The following RANBP2 variants were observed in gnomAD, a reference collection of about 807,000 sequenced individuals.
RANBP2 encodes E3 SUMO-protein ligase RanBP2.
A neutral mutation model predicts 303.6 loss-of-function variants in RANBP2; 57 were observed. The observed-to-expected ratio is 0.19, with a 90% CI of 0.15 to 0.23. The LOEUF (loss-of-function observed/expected upper bound fraction) is 0.23, where lower values mean the gene tolerates loss of function less well. Among genes scored for constraint, RANBP2 ranks in the 10% least tolerant of loss-of-function variants. The pLI is 1.00. For missense variants in RANBP2, 3,138 were observed against 3,780.8 expected, an observed-to-expected ratio of 0.83 and a Z score of 4.46; for synonymous variants, 1,167 against 1,301.5, an observed-to-expected ratio of 0.90 and a Z score of 2.23.
At chr2:109,509,042 C>T in the RANBP2 span, among the ~76,000 whole-genome samples, 1,058 of 152,310 alleles carry the variant, frequency 6.9e-3, 9 homozygotes, top group South Asian at 0.022. Context: ...CCATTCCTGC[C>T]GGGAGAAATG....
the RANBP2 span, among the ~76,000 whole-genome samples, chr2:109,598,359 C>T: frequency 4.6e-5 from 7 of 152,038 alleles, no homozygotes; most frequent in Admixed American, 1.3e-4. Context: ...TGAGCCACTG[C>T]GCCCGGCCCT....
chr2:109,173,577 G>T, the RANBP2 span, among the ~76,000 whole-genome samples: 1 of 152,148 alleles, frequency 6.6e-6, no homozygotes, highest in South Asian at 2.1e-4. Context: ...GTGGCTGCGG[G>T]GAAGGCCACA....
At chr2:108,922,922 T>G in the RANBP2 span, among the ~76,000 whole-genome samples, 1 of 152,216 alleles carries the variant, frequency 6.6e-6, no homozygotes, top group Non-Finnish European at 1.5e-5. Flanking sequence ...ATGTGCTTTG[T>G]GGAATCTGTT....
At chr2:109,140,102 G>T in the RANBP2 span, among the ~76,000 whole-genome samples, 1 of 152,204 alleles carries the variant, frequency 6.6e-6, no homozygotes, top group South Asian at 2.1e-4. Context: ...TTAGTCCTGG[G>T]AGGCCCCTTT....
the RANBP2 span, among the ~76,000 whole-genome samples, chr2:109,154,714 A>G: frequency 2.0e-5 from 3 of 152,152 alleles, no homozygotes; most frequent in African/African-American, 7.2e-5. Flanking sequence ...GGGTTTGGAC[A>G]AGGTCTGTGG....
chr2:108,877,909 T>C, the RANBP2 span, among the ~76,000 whole-genome samples: 8 of 152,202 alleles, frequency 5.3e-5, no homozygotes, highest in Non-Finnish European at 8.8e-5. Flanking sequence ...AAAACCAGAC[T>C]AGCCTTATAG....
the RANBP2 span, among the ~76,000 whole-genome samples, chr2:109,023,750 A>T: frequency 3.3e-5 from 5 of 152,160 alleles, no homozygotes; most frequent in Admixed American, 1.3e-4. Flanking sequence ...TTGGGGCTGC[A>T]GTGAGCCTTG....
chr2:108,973,350 CAG>C, the RANBP2 span, among the ~76,000 whole-genome samples: 1 of 152,190 alleles, frequency 6.6e-6, no homozygotes, highest in African/African-American at 2.4e-5. Flanking sequence ...GAAGCTGACT[CAG>C]GGGGCTGGCT....
At chr2:108,929,336 G>A in the RANBP2 span, 1 of 1,614,152 alleles carries the variant, frequency 6.2e-7, no homozygotes, top group Non-Finnish European at 8.5e-7. Context: ...CGCCGGGCAG[G>A]GGACGCAGCC....
the RANBP2 span, among the ~76,000 whole-genome samples, chr2:108,799,660 G>A: frequency 1.3e-5 from 2 of 152,058 alleles, no homozygotes; most frequent in Admixed American, 1.3e-4. Context: ...CTTCAATTTG[G>A]AAATTTCTGT....
the RANBP2 span, among the ~76,000 whole-genome samples, chr2:109,487,488 A>G: frequency 6.6e-6 from 1 of 152,192 alleles, no homozygotes; most frequent in Non-Finnish European, 1.5e-5. Flanking sequence ...CGTTTTGGAG[A>G]GGGTTTTCTA....
chr2:109,149,002 G>A, the RANBP2 span, among the ~76,000 whole-genome samples: 11 of 152,194 alleles, frequency 7.2e-5, no homozygotes, highest in Non-Finnish European at 1.6e-4. Context: ...TGCACTTCTG[G>A]CTTTCAACTG....
At chr2:109,207,808 A>G in the RANBP2 span, among the ~76,000 whole-genome samples, 1 of 152,200 alleles carries the variant, frequency 6.6e-6, no homozygotes, top group Non-Finnish European at 1.5e-5. Context: ...TTTAAATGGC[A>G]CAATTTTCTT....
chr2:109,421,880 A>G, the RANBP2 span, among the ~76,000 whole-genome samples: 1 of 152,222 alleles, frequency 6.6e-6, no homozygotes, highest in Non-Finnish European at 1.5e-5. Context: ...ACTGAGTAGC[A>G]GTCACATGCC....
chr2:109,498,804 AT>A, the RANBP2 span, among the ~76,000 whole-genome samples: 1 of 152,170 alleles, frequency 6.6e-6, no homozygotes, highest in East Asian at 1.9e-4. Context: ...AAACAGGTGA[AT>A]GGCTGGGCAG....
chr2:109,342,981 T>C, the RANBP2 span, among the ~76,000 whole-genome samples: 1 of 152,200 alleles, frequency 6.6e-6, no homozygotes, highest in Non-Finnish European at 1.5e-5. Flanking sequence ...GCCCAAATAA[T>C]GGCGGCTTAG....
At chr2:109,196,323 C>T in the RANBP2 span, among the ~76,000 whole-genome samples, 1 of 152,214 alleles carries the variant, frequency 6.6e-6, no homozygotes, top group Non-Finnish European at 1.5e-5. Context: ...CTCCCCTGGC[C>T]CCAAGGCCTG....
downstream of RANBP2, among the ~76,000 whole-genome samples, chr2:108,786,567 G>T (rs956854632): frequency 1.3e-5 from 2 of 152,114 alleles, no homozygotes; most frequent in African/African-American, 4.8e-5. Flanking sequence ...GTGGCACCCA[G>T]GCAGCCGGGG....
At chr2:109,449,305 A>G in the RANBP2 span, 1 of 1,608,292 alleles carries the variant, frequency 6.2e-7, no homozygotes, top group Non-Finnish European at 8.5e-7. Context: ...CACAGCCACC[A>G]GCCCCCGGTG....
Sources: gnomAD v4.1 joint callset for allele counts (sites outside exome capture counted in the v4.1 genomes callset) on GRCh38, gnomAD v4.1.1 for gene constraint, MANE v1.5 for transcripts, NCBI Gene and HGNC (gene_info 2026-07-23, HGNC 2026-07-21) for gene names.